Variants in THRB observed in about 807,000 individuals in gnomAD.
THRB encodes nuclear receptor subfamily 1 group A member 2.
Under a neutral mutation model 47.8 loss-of-function variants are expected in THRB, and 12 were observed. The ratio of observed to expected loss-of-function variants is 0.25; its 90% CI spans 0.16 to 0.41. The LOEUF is 0.41. Among genes scored for constraint, THRB ranks in the 10% least tolerant of loss-of-function variants. The pLI, the probability that THRB is intolerant of heterozygous loss-of-function variation, is 1.00. For missense variants in THRB, 348 were observed against 589.2 expected, an observed-to-expected ratio of 0.59 and a Z score of 4.24; for synonymous variants, 218 against 212.2, an observed-to-expected ratio of 1.03 and a Z score of -0.24.
intron 4 of THRB, among the ~76,000 whole-genome samples, chr3:24,194,456 T>A (rs2043728742): frequency 6.6e-6 from 1 of 152,180 alleles, no homozygotes; most frequent in Admixed American, 6.5e-5. Flanking sequence ...TGGCTTTCAA[T>A]ACTTCACATT....
At chr3:24,460,555 A>G (rs1476890434) in intron 1 of THRB, among the ~76,000 whole-genome samples, 1 of 152,224 alleles carries the variant, frequency 6.6e-6, no homozygotes, top group Non-Finnish European at 1.5e-5. Context: ...ACTGTAATTA[A>G]AGGGAAGAGA....
chr3:24,154,206 A>G (rs1274746236), intron 5 of THRB, among the ~76,000 whole-genome samples: 1 of 152,196 alleles, frequency 6.6e-6, no homozygotes, highest in Non-Finnish European at 1.5e-5. Context: ...TCATCTGTTG[A>G]GTTCACTGCA....
chr3:24,238,286 G>GGGGGGGT (rs2049106993), intron 3 of THRB, among the ~76,000 whole-genome samples: 1 of 136,224 alleles, frequency 7.3e-6, no homozygotes. Context: ...TGTGGGGGGG[G>GGGGGGGT]GGGGGGTGTG....
intron 1 of THRB, among the ~76,000 whole-genome samples, chr3:24,452,862 G>T (rs2072800784): frequency 6.6e-6 from 1 of 152,156 alleles, no homozygotes; most frequent in Admixed American, 6.5e-5. Flanking sequence ...CCAGGACAAG[G>T]TTAAATTATT....
chr3:24,438,150 T>C (rs1319796356), intron 1 of THRB, among the ~76,000 whole-genome samples: 2 of 151,780 alleles, frequency 1.3e-5, no homozygotes, highest in Non-Finnish European at 2.9e-5. Context: ...AAAGGTGAAA[T>C]GAATGGAAGG....
At chr3:24,202,664 G>A (rs2044733271) in intron 4 of THRB, among the ~76,000 whole-genome samples, 1 of 152,166 alleles carries the variant, frequency 6.6e-6, no homozygotes, top group African/African-American at 2.4e-5. Flanking sequence ...ATGATACTGA[G>A]CGTCAATGCC....
rs866556470 is a variant in THRB, at chr3:24,273,085, G to A, written c.-43+24141C>T. Among the ~76,000 whole-genome samples, 11 of 152,038 alleles carry A rather than the reference G, an allele frequency of 7.2e-5. No individual in the cohort carries two copies. The Middle Eastern group carries it at 0.01, about 141-fold the overall frequency. ...CCGTGTGAAGCATTCAAATGTACAC[G>A]TGCTTTTTCTAATAGAAAGAATGTA... is the stretch of plus-strand genomic sequence containing the variant. On this transcript the variant is annotated intron_variant, in intron 3 of 10. Transcript: ENST00000646209.
At chr3:24,401,744 A>G (rs1334585134) in intron 1 of THRB, among the ~76,000 whole-genome samples, 1 of 152,016 alleles carries the variant, frequency 6.6e-6, no homozygotes, top group Non-Finnish European at 1.5e-5. Context: ...TGGTCCCTGG[A>G]CCAGCAGTTT....
chr3:24,360,255 C>T (rs1389079912), intron 1 of THRB, among the ~76,000 whole-genome samples: 1 of 152,122 alleles, frequency 6.6e-6, no homozygotes, highest in Non-Finnish European at 1.5e-5. Flanking sequence ...AAGCCAAGAA[C>T]ACTGCTGCCC....
chr3:24,184,942 C>T (rs2042380779), intron 5 of THRB, among the ~76,000 whole-genome samples: 1 of 152,158 alleles, frequency 6.6e-6, no homozygotes, highest in African/African-American at 2.4e-5. Flanking sequence ...ATGTGAATGT[C>T]TAACATGAAG....
intron 1 of THRB, among the ~76,000 whole-genome samples, chr3:24,362,279 T>C (rs1308090930): frequency 6.6e-6 from 1 of 152,098 alleles, no homozygotes; most frequent in South Asian, 2.1e-4. Context: ...ATTATCTCTC[T>C]GACTCCACCT....
intron 3 of THRB, among the ~76,000 whole-genome samples, chr3:24,238,627 A>T (rs2049160940): frequency 6.6e-6 from 1 of 152,160 alleles, no homozygotes; most frequent in Non-Finnish European, 1.5e-5. Context: ...TCTGAAATTT[A>T]AAAGAAAATT....
chr3:24,424,233 C>T (rs2069543395), intron 1 of THRB, among the ~76,000 whole-genome samples: 1 of 151,740 alleles, frequency 6.6e-6, no homozygotes, highest in Non-Finnish European at 1.5e-5. Flanking sequence ...GTTAATTGTT[C>T]TGGGGCGGAC....
intron 1 of THRB, among the ~76,000 whole-genome samples, chr3:24,447,245 C>A (rs1193646807): frequency 1.3e-5 from 2 of 152,042 alleles, no homozygotes; most frequent in Admixed American, 6.6e-5. Context: ...TGAATGTTAT[C>A]AATTATAATG....
chr3:24,474,699 T>C (rs1204966114), intron 1 of THRB, among the ~76,000 whole-genome samples: 1 of 152,042 alleles, frequency 6.6e-6, no homozygotes, highest in Non-Finnish European at 1.5e-5. Context: ...TAAAAACAAA[T>C]CCTCAATTTT....
chr3:24,493,689 A>C (rs1038041380), intron 1 of THRB, among the ~76,000 whole-genome samples: 2 of 152,334 alleles, frequency 1.3e-5, no homozygotes, highest in African/African-American at 4.8e-5. Flanking sequence ...GACTCACTTT[A>C]TGAATTGTTA....
At chr3:24,357,262 TG>T (rs2063731954) in intron 1 of THRB, among the ~76,000 whole-genome samples, 1 of 138,564 alleles carries the variant, frequency 7.2e-6, no homozygotes. Flanking sequence ...TTTTCACAAT[TG>T]GGAAAAGCAA....
At chr3:24,188,948 A>C (rs2042989587) in intron 5 of THRB, among the ~76,000 whole-genome samples, 1 of 147,078 alleles carries the variant, frequency 6.8e-6, no homozygotes, top group Admixed American at 6.8e-5. Context: ...ACTGCACTCA[A>C]ATCAGAGCTC....
chr3:24,222,973 T>C (rs2047304720), intron 4 of THRB, among the ~76,000 whole-genome samples: 1 of 152,206 alleles, frequency 6.6e-6, no homozygotes, highest in Admixed American at 6.5e-5. Context: ...CCCTTCAGAA[T>C]GGCTATGCCA....
Sources: gnomAD v4.1 joint callset for allele counts (sites outside exome capture counted in the v4.1 genomes callset) on GRCh38, gnomAD v4.1.1 for gene constraint, MANE v1.5 for transcripts, NCBI Gene and HGNC (gene_info 2026-07-23, HGNC 2026-07-21) for gene names.